Variants in EXPH5 observed in about 807,000 individuals in gnomAD.
EXPH5 encodes the protein exophilin-5.
A neutral mutation model predicts 41.1 loss-of-function variants in EXPH5; 42 were observed. That is an observed-to-expected ratio of 1.02 (90% CI 0.80 to 1.32). The LOEUF (loss-of-function observed/expected upper bound fraction) is 1.32. Among genes scored for constraint, EXPH5 ranks in the 40% most tolerant of loss-of-function variants. The probability of loss-of-function intolerance (pLI) is 0.00; values close to 1 mark genes in which losing one functional copy is unlikely to be tolerated. For synonymous variants in EXPH5, 798 were observed against 833.5 expected (o/e 0.96, Z 0.73); for missense variants, 2,298 against 2,314.5 (o/e 0.99, Z 0.15).
At chr11:108,533,246 C>T (rs936745160) in intron 3 of EXPH5, among the ~76,000 whole-genome samples, 1 of 151,798 alleles carries the variant, frequency 6.6e-6, no homozygotes, top group East Asian at 1.9e-4. Flanking sequence ...CTCTGTCATT[C>T]AGGCTGGAGT....
At chr11:108,564,569 T>C (rs2094026544) in intron 1 of EXPH5, among the ~76,000 whole-genome samples, 1 of 152,208 alleles carries the variant, frequency 6.6e-6, no homozygotes, top group Admixed American at 6.5e-5. Context: ...GTCATAATGT[T>C]GAAATAAACC....
Position 108,509,899 on chromosome 11 carries a change from TC to T in EXPH5, c.5607del (p.Thr1870GlnfsTer26). 6.2e-6 allele frequency: 10 copies of T among 1,608,562 alleles called. No homozygotes were observed. The highest frequency in any genetic ancestry group is 8.5e-6 in the Non-Finnish European group (10 of 1,178,002). On this transcript the variant is annotated frameshift_variant, in exon 6 of 6. Transcript: ENST00000265843. LOFTEE classifies it high-confidence loss of function. ...ATTGCAGACCTGGGACCTGTTTTTG[TC>T]CCGCTGCGATAAGCCCAACTTTCAT... Reference protein sequence around the residue: ...DGNESWAYRSGTKTGPRSAIS... With the variant: ...DGNESWAYRSXTKTGPRSAIS...
chr11:108,565,971 G>A (rs2094032862), intron 1 of EXPH5, among the ~76,000 whole-genome samples: 1 of 152,156 alleles, frequency 6.6e-6, no homozygotes, highest in Non-Finnish European at 1.5e-5. Context: ...GCCTTTTCAA[G>A]TGAGGAAAAA....
chr11:108,525,406 C>A (rs1591688710), intron 4 of EXPH5, among the ~76,000 whole-genome samples: 1 of 152,128 alleles, frequency 6.6e-6, no homozygotes, highest in Non-Finnish European at 1.5e-5. Context: ...AGTCAAGTGG[C>A]CCAGGCATGC....
chr11:108,579,008 C>G (rs1187473392), intron 1 of EXPH5, among the ~76,000 whole-genome samples: 4 of 152,048 alleles, frequency 2.6e-5, no homozygotes, highest in Non-Finnish European at 4.4e-5. Context: ...TTTCTCTTGC[C>G]TAATTGCTCT....
intron 1 of EXPH5, 42 bp from the exon 2 acceptor site, chr11:108,541,854 C>T (rs752467567): frequency 6.9e-7 from 1 of 1,459,070 alleles, no homozygotes. Flanking sequence ...TATTTATTTT[C>T]TTAACATCAA....
chr11:108,519,765 GA>G lies in EXPH5; in HGVS notation c.493-1393del, dbSNP rs199768314. ...TCTGTCTTGGAAAAAAAGAAAAAAA[GA>G]AAAAAAAACCCACAAAAAACCAAAA... On this transcript the variant is annotated intron_variant, in intron 4 of 5. Coordinates refer to ENST00000265843, the MANE Select transcript of EXPH5 (RefSeq NM_015065.3). Among the ~76,000 whole-genome samples, 7 of 147,630 alleles carry G rather than the reference GA, an allele frequency of 4.7e-5. No homozygotes were observed. In the South Asian group the frequency reaches 8.7e-4, roughly 18 times the overall value.
the EXPH5 span, among the ~76,000 whole-genome samples, chr11:108,603,860 T>C: frequency 1.3e-5 from 2 of 152,232 alleles, no homozygotes; most frequent in East Asian, 3.9e-4. Flanking sequence ...AAGGCTTCCT[T>C]ATGGATTGAC....
chr11:108,598,787 G>T, the EXPH5 span, among the ~76,000 whole-genome samples: 540 of 152,296 alleles, frequency 3.5e-3, 2 homozygotes, highest in African/African-American at 0.012. Flanking sequence ...ACATAAAAAA[G>T]GAGGTTGGAG....
At chr11:108,563,830 C>T (rs1315882850) in intron 1 of EXPH5, among the ~76,000 whole-genome samples, 6 of 152,168 alleles carry the variant, frequency 3.9e-5, no homozygotes, top group African/African-American at 9.7e-5. Context: ...CTGCAGCAAG[C>T]GGTGGCTGTG....
At chr11:108,589,173 C>G (rs555249881) in intron 1 of EXPH5, among the ~76,000 whole-genome samples, 2 of 152,174 alleles carry the variant, frequency 1.3e-5, no homozygotes, top group Non-Finnish European at 2.9e-5. Context: ...CCATTTGGGA[C>G]AGAATCTGTG....
the EXPH5 span, among the ~76,000 whole-genome samples, chr11:108,604,489 C>T: frequency 1.3e-5 from 2 of 152,164 alleles, no homozygotes; most frequent in Non-Finnish European, 2.9e-5. Context: ...CATTACCCTA[C>T]TCAGCCTCTT....
chr11:108,542,350 T>C (rs377335319), intron 1 of EXPH5, among the ~76,000 whole-genome samples: 2 of 152,280 alleles, frequency 1.3e-5, no homozygotes, highest in African/African-American at 4.8e-5. Flanking sequence ...TTTTTTTCTT[T>C]TTTAGTATTC....
rs761723619 is a variant in EXPH5, at chr11:108,512,201, T to C, written c.3306A>G (p.Val1102=). ...TAACGGAAGTAGATCCACTGCTTTT[T>C]ACATTTGTCATTCTCTCTGTGGCTT... is the stretch of plus-strand genomic sequence containing the variant. The part of the protein sequence containing the change: ...APEATERMTN[V]KSSGSTSVRK... Residue 1102 remains valine (V), a synonymous_variant, in exon 6 of 6, where the codon GTA becomes GTG. Coordinates refer to ENST00000265843, the MANE Select transcript of EXPH5 (RefSeq NM_015065.3). 1 of 1,609,084 alleles carries C rather than the reference T, an allele frequency of 6.2e-7. No homozygotes were observed. The highest frequency in any genetic ancestry group is 1.1e-5 in the South Asian group (1 of 90,166).
At chr11:108,532,360 ATATATATTTTTTTTTT>A (rs1364998338) in intron 3 of EXPH5, among the ~76,000 whole-genome samples, 19 of 20,880 alleles carry the variant, frequency 9.1e-4, no homozygotes, top group African/African-American at 4.2e-3. Flanking sequence ...ATATATATAT[ATATATATTTTTTTTTT>A]TTTTTTTTTT....
rs1465685751 is a variant in EXPH5, at chr11:108,510,411, TGTC to T, written c.5093_5095del (p.Arg1698del). ...TGAGACGTTTTTAAACTCATTCTGA[TGTC>T]GTTGTGAAATGCTGTTAGACTTCTG... On this transcript the variant is annotated inframe_deletion, in exon 6 of 6. Transcript: ENST00000265843. 1 of 1,614,028 alleles carries T rather than the reference TGTC, an allele frequency of 6.2e-7. No individual in the cohort carries two copies. Among genetic ancestry groups the T allele is most frequent in the East Asian group, 2.2e-5 (1 of 44,888 alleles).
At chr11:108,595,850 C>T (rs941172766), upstream of EXPH5, among the ~76,000 whole-genome samples, 1 of 152,150 alleles carries the variant, frequency 6.6e-6, no homozygotes, top group Non-Finnish European at 1.5e-5. Context: ...ATCTAGACTT[C>T]ATTGTGTAAG....
intron 3 of EXPH5, among the ~76,000 whole-genome samples, chr11:108,538,640 T>C (rs2093894384): frequency 6.6e-6 from 1 of 152,134 alleles, no homozygotes; most frequent in Non-Finnish European, 1.5e-5. Context: ...GACCAGGACG[T>C]GACCAGGACG....
intron 1 of EXPH5, among the ~76,000 whole-genome samples, chr11:108,564,437 A>G (rs2094025943): frequency 6.6e-6 from 1 of 152,090 alleles, no homozygotes; most frequent in African/African-American, 2.4e-5. Flanking sequence ...TGTGTAGTCT[A>G]TGTTTCCCAC....
Sources: allele counts gnomAD v4.1 joint callset (sites outside exome capture counted in the v4.1 genomes callset), GRCh38; gene constraint gnomAD v4.1.1; transcripts MANE v1.5; gene names NCBI Gene and HGNC (gene_info 2026-07-23, HGNC 2026-07-21).